The following TMC1 variants were observed in gnomAD, a reference collection of about 807,000 sequenced individuals.
TMC1 encodes the protein transmembrane channel-like protein 1.
A neutral mutation model predicts 105.8 loss-of-function variants in TMC1; 84 were observed. The observed-to-expected ratio is 0.79, with a 90% CI of 0.67 to 0.95. The LOEUF is 0.95. Ranked by LOEUF, TMC1 falls within the 40% of genes least tolerant of loss-of-function variation. The pLI, the probability that TMC1 is intolerant of heterozygous loss-of-function variation, is 0.00. For synonymous variants in TMC1, 315 were observed against 311.5 expected (o/e 1.01, Z -0.12); for missense variants, 817 against 914.1 (o/e 0.89, Z 1.37).
At chr9:72,789,423 C>A in intron 15 of TMC1, 106 bp downstream of exon 15, 1 of 1,045,306 alleles carries the variant, frequency 9.6e-7, no homozygotes, top group Non-Finnish European at 1.5e-6. Context: ...TTACCTATCC[C>A]CTATCCTGCC....
chr9:72,738,206 A>G lies in TMC1; in HGVS notation c.363-1913A>G, dbSNP rs562033577. Among the ~76,000 whole-genome samples the G allele has an allele frequency of 1.1e-4, 16 of 152,286 alleles. No homozygotes were observed. In the East Asian group the frequency reaches 3.1e-3, roughly 29 times the overall value. On this transcript the variant is annotated intron_variant, in intron 8 of 23. Coordinates refer to ENST00000297784, the MANE Select transcript of TMC1 (RefSeq NM_138691.3). ...GAAACTGATTTGGGAGTTCTGTTTGATGACCGAAGAGAGTCTTTACCACTG... is the reference window on the plus strand; with the variant it reads ...GAAACTGATTTGGGAGTTCTGTTTGGTGACCGAAGAGAGTCTTTACCACTG...
chr9:72,571,384 C>CTG (rs1824281772), intron 1 of TMC1, among the ~76,000 whole-genome samples: 1 of 151,248 alleles, frequency 6.6e-6, no homozygotes, highest in African/African-American at 2.4e-5. Flanking sequence ...CTTTCTCTCT[C>CTG]TCTCTCTGTG....
intron 8 of TMC1, among the ~76,000 whole-genome samples, chr9:72,703,324 A>C (rs186303692): frequency 1.9e-3 from 292 of 152,114 alleles, no homozygotes; most frequent in African/African-American, 6.7e-3. Context: ...ATGGGGTCTT[A>C]CTATGTCGCC....
At chr9:72,770,021 A>G (rs1465739239) in intron 12 of TMC1, among the ~76,000 whole-genome samples, 1 of 152,170 alleles carries the variant, frequency 6.6e-6, no homozygotes, top group East Asian at 1.9e-4. Flanking sequence ...TCTTAACTAG[A>G]TAAATGTGAA....
intron 12 of TMC1, among the ~76,000 whole-genome samples, chr9:72,769,416 C>T (rs1827889460): frequency 6.6e-6 from 1 of 152,226 alleles, no homozygotes; most frequent in South Asian, 2.1e-4. Flanking sequence ...GACAAGTGAA[C>T]TTCACAGCCA....
intron 4 of TMC1, among the ~76,000 whole-genome samples, chr9:72,634,308 T>C (rs1188235255): frequency 6.6e-6 from 1 of 152,216 alleles, no homozygotes; most frequent in African/African-American, 2.4e-5. Context: ...ATAGTGATTT[T>C]ATCTATAGGA....
intron 20 of TMC1, among the ~76,000 whole-genome samples, chr9:72,825,466 G>A (rs1343225385): frequency 6.6e-6 from 1 of 152,170 alleles, no homozygotes; most frequent in Non-Finnish European, 1.5e-5. Flanking sequence ...CCTTTCTTTG[G>A]TAAAAGACCT....
At chr9:72,767,292 A>T (rs145467833) in intron 12 of TMC1, among the ~76,000 whole-genome samples, 38 of 152,306 alleles carry the variant, frequency 2.5e-4, no homozygotes, top group African/African-American at 9.1e-4. Context: ...TCTGGCAGCT[A>T]TTACAAATTA....
chr9:72,770,275 C>T (rs919189797), intron 12 of TMC1, among the ~76,000 whole-genome samples: 1 of 149,498 alleles, frequency 6.7e-6, no homozygotes, highest in Non-Finnish European at 1.5e-5. Flanking sequence ...TACACACATA[C>T]ACACATATAC....
chr9:72,601,326 T>G (rs1824811948), intron 2 of TMC1, among the ~76,000 whole-genome samples: 1 of 151,876 alleles, frequency 6.6e-6, no homozygotes, highest in Non-Finnish European at 1.5e-5. Context: ...GGCCACATAG[T>G]GAGACCCTGT....
chr9:72,776,378 T>C (rs187700625), intron 13 of TMC1, among the ~76,000 whole-genome samples: 1 of 152,254 alleles, frequency 6.6e-6, no homozygotes, highest in African/African-American at 2.4e-5. Context: ...TAATTATAAA[T>C]TATACTTGAA....
intron 18 of TMC1, among the ~76,000 whole-genome samples, chr9:72,806,317 C>A (rs1235152428): frequency 6.7e-6 from 1 of 149,422 alleles, no homozygotes; most frequent in Non-Finnish European, 1.5e-5. Flanking sequence ...GCGCCCCTCA[C>A]CTCCTGGACG....
chr9:72,665,952 C>T (rs1248799512), intron 5 of TMC1, among the ~76,000 whole-genome samples: 1 of 152,172 alleles, frequency 6.6e-6, no homozygotes, highest in Non-Finnish European at 1.5e-5. Context: ...ACATGGCTCA[C>T]AGTTCCCTCC....
At chr9:72,660,324 G>A (rs1448127755) in intron 5 of TMC1, among the ~76,000 whole-genome samples, 1 of 152,150 alleles carries the variant, frequency 6.6e-6, no homozygotes, top group Non-Finnish European at 1.5e-5. Flanking sequence ...TACCTCAAAT[G>A]TATTTCCTTT....
chr9:72,543,047 T>C (rs2132065690), intron 1 of TMC1, among the ~76,000 whole-genome samples: 1 of 152,256 alleles, frequency 6.6e-6, no homozygotes, highest in African/African-American at 2.4e-5. Context: ...TTCTATGTGA[T>C]AATTTTTTTT....
chr9:72,754,215 T>C (rs1294666178), intron 11 of TMC1, among the ~76,000 whole-genome samples: 1 of 152,008 alleles, frequency 6.6e-6, no homozygotes, highest in Non-Finnish European at 1.5e-5. Flanking sequence ...CTCCCTACCG[T>C]TTTTCTCTTC....
At chr9:72,709,840 TTTG>T (rs771813150) in intron 8 of TMC1, among the ~76,000 whole-genome samples, 27 of 152,274 alleles carry the variant, frequency 1.8e-4, no homozygotes, top group African/African-American at 3.6e-4. Flanking sequence ...CTTTTGTATT[TTTG>T]TTGTTGTTTC....
intron 1 of TMC1, among the ~76,000 whole-genome samples, chr9:72,547,753 A>G (rs1823796186): frequency 6.6e-6 from 1 of 152,238 alleles, no homozygotes. Context: ...CCTGAAATGA[A>G]CAGAAACTAT....
At chr9:72,800,127 T>C (rs1828445284) in intron 17 of TMC1, among the ~76,000 whole-genome samples, 1 of 152,168 alleles carries the variant, frequency 6.6e-6, no homozygotes, top group Non-Finnish European at 1.5e-5. Flanking sequence ...TTTAAACCAC[T>C]ACATTTATGG....
Sources: allele counts gnomAD v4.1 joint callset (sites outside exome capture counted in the v4.1 genomes callset), GRCh38; gene constraint gnomAD v4.1.1; transcripts MANE v1.5; gene names NCBI Gene and HGNC (gene_info 2026-07-23, HGNC 2026-07-21).